The following ERC2 variants were observed in gnomAD, a reference collection of about 807,000 sequenced individuals.
The protein encoded by ERC2 is ELKS/RAB6-interacting/CAST family member 2.
In ERC2, 42 loss-of-function variants were observed where a neutral mutation model predicts 114.8. That is an observed-to-expected ratio of 0.37 (90% confidence interval 0.29 to 0.47). The LOEUF is 0.47. ERC2 is among the 20% of genes least tolerant of loss of function. ERC2 has a pLI of 0.99. For synonymous variants in ERC2, 454 were observed against 425.5 expected (o/e 1.07, Z -0.82); for missense variants, 939 against 1,150.7 (o/e 0.82, Z 2.66).
intron 17 of ERC2, among the ~76,000 whole-genome samples, chr3:55,664,695 T>C (rs943967452): frequency 5.3e-5 from 8 of 152,216 alleles, no homozygotes; most frequent in African/African-American, 1.9e-4. Context: ...AGTATTCTGT[T>C]ACTGCCTACA....
At chr3:55,717,760 A>G (rs1011240793) in intron 15 of ERC2, among the ~76,000 whole-genome samples, 5 of 152,284 alleles carry the variant, frequency 3.3e-5, no homozygotes, top group Non-Finnish European at 1.5e-5. Flanking sequence ...TTGAGAATAA[A>G]TATAATAACA....
At chr3:55,921,556 A>G (rs949774501) in intron 13 of ERC2, among the ~76,000 whole-genome samples, 1 of 152,170 alleles carries the variant, frequency 6.6e-6, no homozygotes, top group Admixed American at 6.6e-5. Context: ...TTTTTAAAAA[A>G]TGAGATGCTG....
chr3:56,061,659 G>C (rs1203399490), intron 7 of ERC2, among the ~76,000 whole-genome samples: 1 of 152,124 alleles, frequency 6.6e-6, no homozygotes, highest in African/African-American at 2.4e-5. Context: ...ACTATGAATG[G>C]AAATGAAATA....
intron 15 of ERC2, among the ~76,000 whole-genome samples, chr3:55,708,889 A>G (rs2063623590): frequency 6.6e-6 from 1 of 151,626 alleles, no homozygotes. Flanking sequence ...AGGAGAGGTA[A>G]GGAGAAGAGA....
intron 8 of ERC2, among the ~76,000 whole-genome samples, chr3:56,011,862 G>A (rs1321544720): frequency 6.6e-6 from 1 of 152,088 alleles, no homozygotes; most frequent in African/African-American, 2.4e-5. Flanking sequence ...TTAATGCAGA[G>A]GGAAGTTAGT....
intron 7 of ERC2, among the ~76,000 whole-genome samples, chr3:56,068,873 T>C (rs2149724056): frequency 6.6e-6 from 1 of 152,326 alleles, no homozygotes; most frequent in Admixed American, 6.5e-5. Context: ...TCTTAATCTT[T>C]AGTTCTAATT....
At chr3:56,141,215 T>C (rs1168224214) in intron 5 of ERC2, among the ~76,000 whole-genome samples, 1 of 152,174 alleles carries the variant, frequency 6.6e-6, no homozygotes, top group African/African-American at 2.4e-5. Context: ...CATTCCTTCA[T>C]TCCTTCCTAC....
intron 6 of ERC2, among the ~76,000 whole-genome samples, chr3:56,135,437 G>A (rs1257899850): frequency 1.3e-5 from 2 of 152,180 alleles, no homozygotes; most frequent in Non-Finnish European, 2.9e-5. Flanking sequence ...GAACAGATGT[G>A]AAGATGACAA....
intron 2 of ERC2, among the ~76,000 whole-genome samples, chr3:56,422,047 A>C (rs1482024073): frequency 6.6e-6 from 1 of 152,176 alleles, no homozygotes; most frequent in African/African-American, 2.4e-5. Context: ...CAAGATGTGG[A>C]ACAAAAGACA....
At chr3:56,049,818 A>ATGTGTGTGTGTGTGTGTGTG (rs3052672) in intron 7 of ERC2, among the ~76,000 whole-genome samples, 9 of 145,320 alleles carry the variant, frequency 6.2e-5, no homozygotes, top group African/African-American at 2.3e-4. Context: ...CCCATCATAT[A>ATGTGTGTGTGTGTGTGTGTG]TGTGTGTGTG....
chr3:55,783,841 G>T (rs2069262412), intron 14 of ERC2, among the ~76,000 whole-genome samples: 1 of 152,180 alleles, frequency 6.6e-6, no homozygotes, highest in Non-Finnish European at 1.5e-5. Flanking sequence ...GCTTTAAAAG[G>T]ACGGGACAAT....
rs147172712 is a variant in ERC2, at chr3:56,366,688, T to A, written c.657+67663A>T. On this transcript the variant is annotated intron_variant, in intron 2 of 17. Transcript: ENST00000288221. Reference sequence around the variant, plus strand: ...CTCCCTTTTGTCCTTCTATTTTGCATTGTGCTGTCTCCGTGTTGTTTGCCA... The same window carrying A: ...CTCCCTTTTGTCCTTCTATTTTGCAATGTGCTGTCTCCGTGTTGTTTGCCA... Among the ~76,000 whole-genome samples, 311 of 152,346 alleles carry A rather than the reference T, an allele frequency of 2.0e-3. 5 individuals carry two copies. Among genetic ancestry groups the A allele is most frequent in the South Asian group, 5.4e-3 (26 of 4,824 alleles).
chr3:56,319,588 G>A (rs1233030558), intron 2 of ERC2, among the ~76,000 whole-genome samples: 1 of 152,050 alleles, frequency 6.6e-6, no homozygotes, highest in Admixed American at 6.6e-5. Flanking sequence ...ATATTGTATT[G>A]TACACTCAAA....
intron 2 of ERC2, among the ~76,000 whole-genome samples, chr3:56,306,908 A>T (rs190736738): frequency 6.6e-6 from 1 of 152,206 alleles, no homozygotes; most frequent in Non-Finnish European, 1.5e-5. Flanking sequence ...TACGTCACAG[A>T]GTACACACAA....
At chr3:56,231,872 C>A (rs1219910127) in intron 3 of ERC2, among the ~76,000 whole-genome samples, 1 of 134,344 alleles carries the variant, frequency 7.4e-6, no homozygotes, top group Admixed American at 7.1e-5. Context: ...GAAAATCATT[C>A]TAAATAAATT....
chr3:55,958,806 A>C (rs2068155069), intron 12 of ERC2, among the ~76,000 whole-genome samples: 1 of 152,230 alleles, frequency 6.6e-6, no homozygotes, highest in Non-Finnish European at 1.5e-5. Context: ...GGAAGAGGAC[A>C]GGGAGCAGGA....
At chr3:55,774,860 T>G (rs1024326963) in intron 14 of ERC2, among the ~76,000 whole-genome samples, 8 of 152,236 alleles carry the variant, frequency 5.3e-5, no homozygotes, top group Non-Finnish European at 8.8e-5. Context: ...TTAACATGGT[T>G]AAGAGAATGG....
At position 55,684,007 on chromosome 3, in the gene ERC2, A is replaced by G. The variant is rs546358555; in HGVS notation, c.2848-148T>C. On this transcript the variant is annotated intron_variant, in intron 16 of 17. Coordinates refer to ENST00000288221, the MANE Select transcript of ERC2 (RefSeq NM_015576.3). The stretch of plus-strand genomic sequence containing the variant: ...TCTTCAAGACTGAAGAAAAAAATCC[A>G]TAGTAACTTAAATTCCACATCACCG... 3.7e-5 allele frequency: 32 copies of G among 856,450 alleles called. 2 individuals carry two copies. The South Asian group carries it at 6.2e-4, about 17-fold the overall frequency. 53.1% of individuals were successfully genotyped at this position (856,450 alleles called of 1,614,324 possible).
Position 55,940,285 on chromosome 3 carries a change from AG to A in ERC2, c.2403+10139del, listed in dbSNP as rs572327388. On this transcript the variant is annotated intron_variant, in intron 13 of 17. Coordinates refer to ENST00000288221, the MANE Select transcript of ERC2 (RefSeq NM_015576.3). ...ACTTCAATACAAGCCCCTCTTTTGT[AG>A]ATGAGAAAACTGAGGCTTAGAGAAA... Among the ~76,000 whole-genome samples the A allele has an allele frequency of 7.1e-3, 1,077 of 152,250 alleles. 6 individuals carry two copies. The highest frequency in any genetic ancestry group is 0.031 in the Middle Eastern group (9 of 294).
Sources: allele counts gnomAD v4.1 joint callset (sites outside exome capture counted in the v4.1 genomes callset), GRCh38; gene constraint gnomAD v4.1.1; transcripts MANE v1.5; gene names NCBI Gene and HGNC (gene_info 2026-07-23, HGNC 2026-07-21).